The following SPATA1 variants were observed in gnomAD, a reference collection of about 807,000 sequenced individuals.
SPATA1 encodes spermatogenesis associated 1.
A neutral mutation model predicts 59.6 loss-of-function variants in SPATA1; 57 were observed. That is an observed-to-expected ratio of 0.96 (90% CI 0.77 to 1.19). The LOEUF (loss-of-function observed/expected upper bound fraction) is 1.19, where lower values mean the gene tolerates loss of function less well. Among genes scored for constraint, SPATA1 ranks in the 50% most tolerant of loss-of-function variants. SPATA1 has a pLI of 0.00. For missense variants in SPATA1, 448 were observed against 480.7 expected, an observed-to-expected ratio of 0.93 and a Z score of 0.64; for synonymous variants, 147 against 163.9, an observed-to-expected ratio of 0.90 and a Z score of 0.79.
intron 8 of SPATA1, among the ~76,000 whole-genome samples, chr1:84,540,511 C>G (rs1305109346): frequency 6.6e-6 from 1 of 151,886 alleles, no homozygotes; most frequent in Non-Finnish European, 1.5e-5. Flanking sequence ...ACTTTTTTCC[C>G]TCCCTTTTCT....
At chr1:84,544,804 A>G (rs1472975544) in intron 9 of SPATA1, among the ~76,000 whole-genome samples, 1 of 151,650 alleles carries the variant, frequency 6.6e-6, no homozygotes, top group African/African-American at 2.4e-5. Context: ...CAAGTGATCC[A>G]CCCATCTCGG....
chr1:84,558,221 T>C (rs182702261), downstream of SPATA1, among the ~76,000 whole-genome samples: 346 of 152,282 alleles, frequency 2.3e-3, 3 homozygotes, highest in African/African-American at 8.0e-3. Flanking sequence ...TTTAGCCATT[T>C]CACAATGTAT....
chr1:84,551,324 AAAG>A (rs1684263811), intron 12 of SPATA1: 5 of 931,698 alleles, frequency 5.4e-6, no homozygotes, highest in African/African-American at 1.8e-5. Flanking sequence ...AAAATTTTAA[AAAG>A]AAAAAAGAAA....
intron 4 of SPATA1, among the ~76,000 whole-genome samples, chr1:84,565,326 A>G (rs1407108558): frequency 1.3e-5 from 2 of 152,246 alleles, no homozygotes; most frequent in African/African-American, 2.4e-5. Flanking sequence ...ATGACAGGTC[A>G]AAAGTACTCA....
chr1:84,548,423 A>G (rs867542902), intron 10 of SPATA1, among the ~76,000 whole-genome samples: 2 of 139,874 alleles, frequency 1.4e-5, no homozygotes, highest in East Asian at 3.9e-4. Flanking sequence ...ATATGTATAT[A>G]TGTTATAGTT....
chr1:84,519,218 T>C (rs1050147279), intron 2 of SPATA1, among the ~76,000 whole-genome samples: 1 of 152,046 alleles, frequency 6.6e-6, no homozygotes, highest in African/African-American at 2.4e-5. Context: ...AAAGAAAAAG[T>C]ATGTGCCATA....
chr1:84,522,517 C>CTTTT lies in SPATA1; in HGVS notation c.261+16_261+19dup. 7.1e-7 allele frequency: 1 copy of CTTTT among 1,402,622 alleles called. No individual in the cohort carries two copies. The allele number at this position is 1,402,622 out of a possible 1,614,324, so 86.9% of individuals were successfully genotyped here. On this transcript the variant is annotated intron_variant, in intron 4 of 12. Transcript: ENST00000490879. ...AAATAATTTAGCTGTGGTAAGTTTT[C>CTTTT]TTTTTTTTTCTTTCTGATTGAGAAA...
At chr1:84,537,040 C>T (rs1222567939) in intron 8 of SPATA1, among the ~76,000 whole-genome samples, 2 of 151,786 alleles carry the variant, frequency 1.3e-5, no homozygotes, top group Non-Finnish European at 2.9e-5. Flanking sequence ...CCACCGCGCC[C>T]AGCTAATTTT....
chr1:84,563,836 G>A lies in SPATA1; in HGVS notation n.443-2025G>A, dbSNP rs199953179. On this transcript the variant is annotated intron_variant and non_coding_transcript_variant, in intron 4 of 4. Transcript: ENST00000460286. Reference sequence around the variant, plus strand: ...ATCTTGATGTAGTCATTATATCCTAGTCAAGCAGGAGAGAAAAAGCATATT... The same window carrying A: ...ATCTTGATGTAGTCATTATATCCTAATCAAGCAGGAGAGAAAAAGCATATT... 113 of 1,598,192 alleles carry A rather than the reference G, an allele frequency of 7.1e-5. No individual in the cohort carries two copies. In the African/African-American group the frequency reaches 1.2e-3, roughly 17 times the overall value.
At chr1:84,520,982 T>TA (rs1164960855) in intron 3 of SPATA1, among the ~76,000 whole-genome samples, 1 of 152,084 alleles carries the variant, frequency 6.6e-6, no homozygotes, top group Non-Finnish European at 1.5e-5. Context: ...TATCTAAAAT[T>TA]AAAAATCTGC....
At chr1:84,526,542 A>G (rs1683232385) in intron 6 of SPATA1, among the ~76,000 whole-genome samples, 1 of 152,154 alleles carries the variant, frequency 6.6e-6, no homozygotes, top group Non-Finnish European at 1.5e-5. Context: ...ACACCTATCA[A>G]TTTACTAATA....
intron 1 of SPATA1, among the ~76,000 whole-genome samples, chr1:84,515,657 A>G (rs1682764848): frequency 6.6e-6 from 1 of 152,126 alleles, no homozygotes; most frequent in East Asian, 1.9e-4. Flanking sequence ...TGTATCATAC[A>G]TTCTTGTAAA....
chr1:84,562,912 T>C (rs371018241), intron 4 of SPATA1, among the ~76,000 whole-genome samples: 3 of 152,182 alleles, frequency 2.0e-5, no homozygotes, highest in East Asian at 3.9e-4. Flanking sequence ...CTTTCAGAGA[T>C]AGTAACTTAT....
chr1:84,560,418 A>G (rs1056353662), intron 4 of SPATA1, among the ~76,000 whole-genome samples: 1 of 152,144 alleles, frequency 6.6e-6, no homozygotes, highest in East Asian at 1.9e-4. Context: ...GCATTAGCTC[A>G]TGCCCTTTAT....
At chr1:84,549,093 C>G in intron 11 of SPATA1, 129 bp downstream of exon 11, 1 of 908,856 alleles carries the variant, frequency 1.1e-6, no homozygotes, top group South Asian at 3.2e-5. Context: ...AATAAAAAAA[C>G]TCATGACCTT....
At chr1:84,523,499 G>A (rs551192685) in intron 4 of SPATA1, among the ~76,000 whole-genome samples, 19 of 152,082 alleles carry the variant, frequency 1.2e-4, no homozygotes, top group Non-Finnish European at 2.5e-4. Context: ...TAGATTATAG[G>A]TCCTTGTGGG....
chr1:84,565,565 CT>C (rs1684684013), intron 4 of SPATA1, among the ~76,000 whole-genome samples: 1 of 152,094 alleles, frequency 6.6e-6, no homozygotes, highest in Non-Finnish European at 1.5e-5. Flanking sequence ...CTATATAATA[CT>C]TAATAGTTAT....
At chr1:84,533,619 CA>C (rs1313848698) in intron 7 of SPATA1, 89 bp from the exon 8 acceptor site, 4 of 1,032,632 alleles carry the variant, frequency 3.9e-6, no homozygotes, top group Admixed American at 2.4e-5. Context: ...TTTGTGTTTA[CA>C]GAGCATCAAA....
chr1:84,549,943 G>C (rs975055689), intron 11 of SPATA1: 23 of 151,234 alleles, frequency 1.5e-4, no homozygotes, highest in Admixed American at 1.3e-3. Context: ...TTTTCACAAA[G>C]CCAGTTTAAA....
Sources: gnomAD v4.1 joint callset for allele counts (sites outside exome capture counted in the v4.1 genomes callset) on GRCh38, gnomAD v4.1.1 for gene constraint, MANE v1.5 for transcripts, NCBI Gene and HGNC (gene_info 2026-07-23, HGNC 2026-07-21) for gene names.